NR3C2: variants seen among roughly 807,000 people sequenced by gnomAD.
NR3C2 encodes nuclear receptor subfamily 3 group C member 2, also known as mineralocorticoid receptor.
A neutral mutation model predicts 86.4 loss-of-function variants in NR3C2; 15 were observed. That is an observed-to-expected ratio of 0.17 (90% CI 0.12 to 0.27). The LOEUF is 0.27. Ranked by LOEUF, NR3C2 falls within the 10% of genes least tolerant of loss-of-function variation. The pLI, the probability that NR3C2 is intolerant of heterozygous loss-of-function variation, is 1.00. For synonymous variants in NR3C2, 458 were observed against 450.5 expected (o/e 1.02, Z -0.21); for missense variants, 960 against 1,195.6 (o/e 0.80, Z 2.91).
In NR3C2 at chr4:148,361,082, T is replaced by C. The variant is rs567645160; in HGVS notation, c.1757+74022A>G. ...CAAAGACCATGTATTAATTATGGTG[T>C]ATTCTAGCGCCTGATAATGAATCTC... On this transcript the variant is annotated intron_variant, in intron 2 of 8. Transcript: ENST00000358102. Among the ~76,000 whole-genome samples the C allele has an allele frequency of 3.3e-5, 5 of 152,332 alleles. No homozygotes were observed. The South Asian group carries it at 8.3e-4, about 25-fold the overall frequency.
At chr4:148,085,938 G>A (rs888193441) in intron 8 of NR3C2, among the ~76,000 whole-genome samples, 11 of 152,138 alleles carry the variant, frequency 7.2e-5, no homozygotes, top group African/African-American at 1.2e-4. Context: ...GGAAGAAGTC[G>A]AATGCCTGAA....
intron 3 of NR3C2, among the ~76,000 whole-genome samples, chr4:148,244,234 C>T (rs1739208496): frequency 6.6e-6 from 1 of 152,134 alleles, no homozygotes; most frequent in African/African-American, 2.4e-5. Flanking sequence ...TTCTTGAGGG[C>T]CGGATAGCTA....
intron 3 of NR3C2, 144 bp from the exon 4 acceptor site, chr4:148,195,006 T>A (rs1736375362): frequency 1.5e-6 from 1 of 665,894 alleles, no homozygotes; most frequent in African/African-American, 1.8e-5. Context: ...TTGTGGATAA[T>A]ATAGAGGAGG....
At chr4:148,363,504 C>CTTTTT (rs1375693723) in intron 2 of NR3C2, among the ~76,000 whole-genome samples, 1,057 of 69,840 alleles carry the variant, frequency 0.015, 140 homozygotes, top group African/African-American at 0.057. Context: ...TCTCATAGAT[C>CTTTTT]TCTTTTTTTT....
chr4:148,361,711 T>C (rs2150004226), intron 2 of NR3C2, among the ~76,000 whole-genome samples: 1 of 152,324 alleles, frequency 6.6e-6, no homozygotes, highest in South Asian at 2.1e-4. Context: ...TTCAGGGTCC[T>C]CCCTTCTCCT....
chr4:148,081,802 C>T (rs1234607795), intron 8 of NR3C2, among the ~76,000 whole-genome samples: 1 of 152,212 alleles, frequency 6.6e-6, no homozygotes, highest in Non-Finnish European at 1.5e-5. Context: ...CACTGAACTG[C>T]ACTCATCAAA....
At chr4:148,148,718 AGAT>A (rs1480237775) in intron 6 of NR3C2, among the ~76,000 whole-genome samples, 4 of 152,202 alleles carry the variant, frequency 2.6e-5, no homozygotes, top group Non-Finnish European at 4.4e-5. Flanking sequence ...TTTCCTGACT[AGAT>A]CAACCTCTCC....
chr4:148,433,344 G>A (rs1461730725), intron 2 of NR3C2, among the ~76,000 whole-genome samples: 3 of 152,034 alleles, frequency 2.0e-5, no homozygotes, highest in African/African-American at 7.2e-5. Context: ...AAGGTATAGT[G>A]CATAATCATT....
chr4:148,411,594 T>C (rs1229754287), intron 2 of NR3C2, among the ~76,000 whole-genome samples: 1 of 152,200 alleles, frequency 6.6e-6, no homozygotes, highest in Non-Finnish European at 1.5e-5. Flanking sequence ...ACAAGGTCTA[T>C]ATTGCTCGAC....
At chr4:148,151,406 G>A (rs961929913) in intron 6 of NR3C2, among the ~76,000 whole-genome samples, 5 of 152,070 alleles carry the variant, frequency 3.3e-5, no homozygotes, top group African/African-American at 1.2e-4. Flanking sequence ...CAGTTGTTTG[G>A]CCTTACTTCA....
At chr4:148,249,659 CT>C (rs1365638564) in intron 3 of NR3C2, among the ~76,000 whole-genome samples, 1 of 152,144 alleles carries the variant, frequency 6.6e-6, no homozygotes, top group African/African-American at 2.4e-5. Context: ...GTTTAAATGT[CT>C]TATACCTGTA....
At chr4:148,215,797 T>TTTA (rs1737503220) in intron 3 of NR3C2, among the ~76,000 whole-genome samples, 1 of 151,144 alleles carries the variant, frequency 6.6e-6, no homozygotes, top group Admixed American at 6.6e-5. Flanking sequence ...TTTTTTTTTT[T>TTTA]GAGATGGAGT....
At chr4:148,153,760 A>T (rs1734214219) in intron 5 of NR3C2, among the ~76,000 whole-genome samples, 1 of 152,152 alleles carries the variant, frequency 6.6e-6, no homozygotes, top group African/African-American at 2.4e-5. Context: ...AATTCCAGGG[A>T]CAATTTAAAG....
intron 2 of NR3C2, among the ~76,000 whole-genome samples, chr4:148,299,266 AGG>A (rs1347011092): frequency 2.0e-5 from 3 of 152,196 alleles, no homozygotes; most frequent in African/African-American, 7.2e-5. Flanking sequence ...ACATGAGGAA[AGG>A]TAAGTAAAAT....
At chr4:148,329,869 A>AAC (rs1468347046) in intron 2 of NR3C2, among the ~76,000 whole-genome samples, 5 of 152,240 alleles carry the variant, frequency 3.3e-5, no homozygotes, top group African/African-American at 1.2e-4. Flanking sequence ...GTTATAACTA[A>AAC]ACATGTTAGT....
chr4:148,104,995 G>C (rs1731728207), intron 8 of NR3C2, among the ~76,000 whole-genome samples: 1 of 152,124 alleles, frequency 6.6e-6, no homozygotes, highest in African/African-American at 2.4e-5. Flanking sequence ...AAGTGAGTGG[G>C]CTATCCAAGT....
intron 2 of NR3C2, among the ~76,000 whole-genome samples, chr4:148,344,381 G>C (rs1245253415): frequency 1.3e-5 from 2 of 152,124 alleles, no homozygotes; most frequent in African/African-American, 4.8e-5. Context: ...GCTGAAAAAA[G>C]CATGAGCGTT....
Position 148,081,494 on chromosome 4 carries a change from C to T in NR3C2, c.2805G>A (p.Val935=), listed in dbSNP as rs759337979. The change falls in exon 9 of 9, where the codon GTG becomes GTA. Residue 935 remains valine, a synonymous_variant. Coordinates refer to ENST00000358102, the MANE Select transcript of NR3C2 (RefSeq NM_000901.5). ...TKLLDSMHDL[V]SDLLEFCFYT... is the part of the protein sequence containing the mutation. ...AGAAGCAGAATTCCAGCAGGTCGCT[C>T]ACCAGCTGTAACACAGACACAGGGG... 1.2e-6 allele frequency: 2 copies of T among 1,613,970 alleles called. No homozygotes were observed. The highest frequency in any genetic ancestry group is 1.1e-5 in the South Asian group (1 of 91,064).
At chr4:148,129,391 G>A (rs565705570) in intron 6 of NR3C2, among the ~76,000 whole-genome samples, 1 of 152,316 alleles carries the variant, frequency 6.6e-6, no homozygotes, top group African/African-American at 2.4e-5. Context: ...AATTAGTTCA[G>A]TGAGTACAGT....
Sources: allele counts gnomAD v4.1 joint callset (sites outside exome capture counted in the v4.1 genomes callset), GRCh38; gene constraint gnomAD v4.1.1; transcripts MANE v1.5; gene names NCBI Gene and HGNC (gene_info 2026-07-23, HGNC 2026-07-21).